The following NPM1 variants were observed in gnomAD, a reference collection of about 807,000 sequenced individuals.
The protein encoded by NPM1 is nucleophosmin.
A neutral mutation model predicts 44.1 loss-of-function variants in NPM1; 1 was observed. The ratio of observed to expected loss-of-function variants is 0.02; its 90% CI spans 0.01 to 0.11. The LOEUF (loss-of-function observed/expected upper bound fraction) is 0.11, where lower values mean the gene tolerates loss of function less well. Ranked by LOEUF, NPM1 falls within the 10% of genes least tolerant of loss-of-function variation. The pLI, the probability that NPM1 is intolerant of heterozygous loss-of-function variation, is 1.00. For missense variants in NPM1, 197 were observed against 347.8 expected (o/e 0.57, Z 3.45); for synonymous variants, 126 against 111.8 (o/e 1.13, Z -0.80).
chr5:171,387,839 A>C (rs540172836), upstream of NPM1: 3 of 1,001,734 alleles, frequency 3.0e-6, no homozygotes, highest in East Asian at 2.5e-5. Flanking sequence ...AAGCGCGGGG[A>C]GCCTGCGTCC....
At chr5:171,387,446 C>G (rs1206442098), upstream of NPM1, among the ~76,000 whole-genome samples, 1 of 152,200 alleles carries the variant, frequency 6.6e-6, no homozygotes, top group Admixed American at 6.5e-5. Context: ...GGCTCATTCG[C>G]AGCCGGCTAA....
At position 171,406,408 on chromosome 5, in the gene NPM1, A is replaced by G. The variant is rs1435234034; in HGVS notation, c.771+1005A>G. On this transcript the variant is annotated intron_variant, in intron 9 of 10. Coordinates refer to ENST00000296930, the MANE Select transcript of NPM1 (RefSeq NM_002520.7). ...TGGTTTAATTGCAGGCGCATTGAAC[A>G]GTCCTGGGCACTACATGTAAATTAA... is the stretch of plus-strand genomic sequence containing the variant. The G allele has an allele frequency of 2.5e-6, 4 of 1,613,232 alleles. No homozygotes were observed. In the Admixed American group the frequency reaches 5.0e-5, roughly 20 times the overall value.
intron 9 of NPM1, chr5:171,406,476 C>A: frequency 1.2e-6 from 2 of 1,606,508 alleles, no homozygotes; most frequent in South Asian, 2.2e-5. Flanking sequence ...CAAATATAGT[C>A]CATACTGAGT....
At chr5:171,400,045 C>T in intron 6 of NPM1, 108 bp from the exon 7 acceptor site, 1 of 701,900 alleles carries the variant, frequency 1.4e-6, no homozygotes, top group Non-Finnish European at 2.5e-6. Context: ...GTGAACAATG[C>T]TTCGATAAAC....
rs918616282 is a variant in NPM1 at position 171,387,864 on chromosome 5, T to G, written c.-85T>G. On this transcript the variant is annotated 5_prime_UTR_variant, in exon 1 of 11. Transcript: ENST00000296930. ...AGCCTGCGTCCTTTCCCTGGTGTGA[T>G]TCCGTCCTGCGCGGTTGTTCTCTGG... is the stretch of plus-strand genomic sequence containing the variant. 42 of 1,283,828 alleles carry G rather than the reference T, an allele frequency of 3.3e-5. No individual in the cohort carries two copies. The highest frequency in any genetic ancestry group is 2.6e-4 in the Middle Eastern group (1 of 3,862). The allele number at this position is 1,283,828 out of a possible 1,614,324, so 79.5% of individuals were successfully genotyped here. A position where few individuals can be genotyped will look rare whatever the true frequency, so the allele number is the denominator to read the frequency against.
chr5:171,397,802 CTTT>C (rs575241008), intron 6 of NPM1, among the ~76,000 whole-genome samples: 1,483 of 132,314 alleles, frequency 0.011, 30 homozygotes, highest in African/African-American at 0.041. Flanking sequence ...GGCAAGAATT[CTTT>C]TTTTTTTTTT....
At chr5:171,392,546 T>A (rs1335114828) in intron 4 of NPM1, among the ~76,000 whole-genome samples, 164 bp from the exon 5 acceptor site, 1 of 151,328 alleles carries the variant, frequency 6.6e-6, no homozygotes, top group Non-Finnish European at 1.5e-5. Flanking sequence ...ACATTAGGCC[T>A]CAAAATACTT....
intron 9 of NPM1, among the ~76,000 whole-genome samples, chr5:171,406,204 C>G (rs1162583505): frequency 2.6e-5 from 4 of 152,050 alleles, no homozygotes; most frequent in African/African-American, 4.8e-5. Context: ...TCAGTAGATT[C>G]CTTGTACAGT....
At chr5:171,388,416 G>A (rs1770383566) in intron 1 of NPM1, among the ~76,000 whole-genome samples, 1 of 152,216 alleles carries the variant, frequency 6.6e-6, no homozygotes, top group Non-Finnish European at 1.5e-5. Context: ...TCACCGGGAA[G>A]CATGGGCCTG....
Position 171,391,756 on chromosome 5 carries a change from G to A in NPM1, c.309G>A (p.Lys103=), listed in dbSNP as rs1770586664. The change falls in exon 4 of 11, where the codon AAG becomes AAA. Residue 103 remains lysine, a synonymous_variant. Transcript: ENST00000296930. ...CACCACCAGTGGTCTTAAGGTTGAA[G>A]TGTGGTTCAGGGCCAGTGCATATTA... ...EITPPVVLRL[K]CGSGPVHISG... is the part of the protein sequence containing the mutation. 6.2e-7 allele frequency: 1 copy of A among 1,611,562 alleles called. No individual in the cohort carries two copies. Among genetic ancestry groups the A allele is most frequent in the Admixed American group, 1.7e-5 (1 of 60,000 alleles).
chr5:171,392,788 C>T lies in NPM1; in HGVS notation c.431C>T (p.Ala144Val), dbSNP rs934166729. 3.1e-6 allele frequency: 5 copies of T among 1,613,484 alleles called. No homozygotes were observed. In the African/African-American group the frequency reaches 4.0e-5, roughly 13 times the overall value. Residue 144 changes from alanine (A) to valine (V), a missense_variant, in exon 5 of 11, where the codon GCC becomes GTC. This residue lies in a region of NPM1 where 91 missense variants were observed against 94.0 expected (regional missense o/e 0.97). Coordinates refer to ENST00000296930, the MANE Select transcript of NPM1 (RefSeq NM_002520.7). ...TTAAGTATATCTGGAAAGCGGTCTG[C>T]CCCTGGAGGTGGTAGCAAGGTTCCA... ...KLLSISGKRS[A>V]PGGGSKVPQK...
At chr5:171,387,723 A>C (rs990808775), upstream of NPM1, 1 of 566,330 alleles carries the variant, frequency 1.8e-6, no homozygotes, top group Non-Finnish European at 3.1e-6. Flanking sequence ...TGGGGTTGAA[A>C]AGCGCTTGCG....
intron 10 of NPM1, among the ~76,000 whole-genome samples, chr5:171,409,311 G>T (rs1771711102): frequency 6.6e-6 from 1 of 152,172 alleles, no homozygotes; most frequent in Non-Finnish European, 1.5e-5. Context: ...CTGATGATAA[G>T]ATCTCTGGCT....
intron 6 of NPM1, among the ~76,000 whole-genome samples, chr5:171,398,737 A>G (rs919162740): frequency 2.6e-5 from 4 of 152,128 alleles, no homozygotes; most frequent in Non-Finnish European, 5.9e-5. Flanking sequence ...GCACCACTGC[A>G]CTCCAGCCTG....
chr5:171,406,475 T>G, intron 9 of NPM1: 7 of 1,606,860 alleles, frequency 4.4e-6, no homozygotes, highest in Non-Finnish European at 5.9e-6. Flanking sequence ...ACAAATATAG[T>G]CCATACTGAG....
rs879203338 is a variant in NPM1, at chr5:171,391,236, A to G, written c.139-69A>G. ...GTTAAGTGACGCATGGCTGCATATA[A>G]CATTTAGTGGGGGGGTGTAAAATAG... On this transcript the variant is annotated intron_variant, in intron 2 of 10. Coordinates refer to ENST00000296930, the MANE Select transcript of NPM1 (RefSeq NM_002520.7). The G allele has an allele frequency of 1.9e-6, 3 of 1,563,536 alleles. 1 individual carries two copies. The South Asian group carries it at 3.6e-5, about 19-fold the overall frequency.
chr5:171,403,604 C>G (rs1581254620), intron 8 of NPM1, among the ~76,000 whole-genome samples: 1 of 117,876 alleles, frequency 8.5e-6, no homozygotes, highest in Admixed American at 8.3e-5. Flanking sequence ...CGCCCCTCAC[C>G]TCCCGGACGG....
At chr5:171,400,056 A>G in intron 6 of NPM1, 97 bp from the exon 7 acceptor site, 3 of 741,158 alleles carry the variant, frequency 4.0e-6, no homozygotes, top group South Asian at 1.5e-5. Flanking sequence ...TTCGATAAAC[A>G]TGGGTGCACA....
intron 8 of NPM1, among the ~76,000 whole-genome samples, chr5:171,401,866 G>A (rs1035602039): frequency 7.2e-5 from 11 of 152,098 alleles, no homozygotes; most frequent in African/African-American, 2.7e-4. Flanking sequence ...TAGACAGGGT[G>A]TATTGATCTC....
Sources: gnomAD v4.1 joint callset for allele counts (sites outside exome capture counted in the v4.1 genomes callset) on GRCh38, gnomAD v4.1.1 for gene constraint, gnomAD v4.1.1 regional missense constraint, MANE v1.5 for transcripts, NCBI Gene and HGNC (gene_info 2026-07-23, HGNC 2026-07-21) for gene names.